Variants in SLX4 observed in about 807,000 individuals in gnomAD.
SLX4 encodes the protein structure-specific endonuclease subunit SLX4.
A neutral mutation model predicts 146.2 loss-of-function variants in SLX4; 112 were observed. That is an observed-to-expected ratio of 0.77 (90% CI 0.66 to 0.90). The LOEUF (loss-of-function observed/expected upper bound fraction) is 0.90, where lower values mean the gene tolerates loss of function less well. Ranked by LOEUF, SLX4 falls within the 40% of genes least tolerant of loss-of-function variation. SLX4 has a pLI of 0.00. For synonymous variants in SLX4, 1,061 were observed against 997.7 expected, an observed-to-expected ratio of 1.06 and a Z score of -1.20; for missense variants, 2,563 against 2,392.7, an observed-to-expected ratio of 1.07 and a Z score of -1.49.
chr16:3,589,435 CTCA>C lies in SLX4; in HGVS notation c.4200_4202del (p.Asp1400del), dbSNP rs1237957529. Reference sequence around the variant, plus strand: ...TGGCCTGATGGGAGGCCACCTCCTGCTCATCGTCACTGTCTCCGACTTCCACCA... The same window carrying C: ...TGGCCTGATGGGAGGCCACCTCCTGCTCGTCACTGTCTCCGACTTCCACCA... On this transcript the variant is annotated inframe_deletion, in exon 12 of 15. Coordinates refer to ENST00000294008, the MANE Select transcript of SLX4 (RefSeq NM_032444.4). This position sits in a 1 kb window ranked among gnomAD's most constrained non-coding sequence, Gnocchi z 6.2. 3.1e-6 allele frequency: 5 copies of C among 1,603,840 alleles called. No individual in the cohort carries two copies. The highest frequency in any genetic ancestry group is 2.2e-5 in the East Asian group (1 of 44,570).
chr16:3,610,239 C>G (rs995529933), intron 1 of SLX4, among the ~76,000 whole-genome samples: 1 of 152,184 alleles, frequency 6.6e-6, no homozygotes, highest in African/African-American at 2.4e-5. Context: ...ATTTTGTTTT[C>G]CAGAGCTGAA....
intron 10 of SLX4, 100 bp downstream of exon 10, chr16:3,594,353 T>C: frequency 6.8e-7 from 1 of 1,481,044 alleles, no homozygotes; most frequent in South Asian, 1.2e-5. Context: ...AGTGGGGGGG[T>C]GGAAAGGGCA....
intron 4 of SLX4, 71 bp from the exon 5 acceptor site, chr16:3,601,262 G>T: frequency 6.7e-7 from 1 of 1,498,626 alleles, no homozygotes; most frequent in Non-Finnish European, 9.3e-7. Context: ...TGTGGGTCCA[G>T]GTCAACACAG....
chr16:3,610,863 C>T (rs548087911), intron 1 of SLX4, among the ~76,000 whole-genome samples: 104 of 152,060 alleles, frequency 6.8e-4, no homozygotes, highest in Non-Finnish European at 1.3e-3. Context: ...GAAAACGCTG[C>T]GGGGAGAGGA....
Position 3,589,799 on chromosome 16 carries a change from C to T in SLX4, c.3839G>A (p.Ser1280Asn), listed in dbSNP as rs1196349449. ...SSQTQISSLR[S>N]GLAVQAVTQH... ...AGTCACCGCCTGCACGGCCAGCCCG[C>T]TCCTGAGGCTGCTGATTTGGGTCTG... Residue 1280 changes from serine to asparagine, a missense_variant, in exon 12 of 15, where the codon AGC (serine) becomes AAC (asparagine). Ser to Asn is a conservative substitution (Grantham distance 46). Transcript: ENST00000294008. This position sits in a 1 kb window ranked among gnomAD's most constrained non-coding sequence, Gnocchi z 6.2. The T allele has an allele frequency of 6.2e-7, 1 of 1,613,458 alleles. No individual in the cohort carries two copies. The highest frequency in any genetic ancestry group is 8.5e-7 in the Non-Finnish European group (1 of 1,180,032).
At position 3,602,261 on chromosome 16, in the gene SLX4, G is replaced by T; in HGVS notation, c.807C>A (p.Ala269=). 1 of 1,614,168 alleles carries T rather than the reference G, an allele frequency of 6.2e-7. No homozygotes were observed. The highest frequency in any genetic ancestry group is 1.1e-5 in the South Asian group (1 of 91,082). Residue 269 remains alanine, a synonymous_variant, in exon 4 of 15, where the codon GCC becomes GCA. Transcript: ENST00000294008. ...PPAPESDAAV[A]LTLQQEFARV... ...GTGCAAACTCCTGCTGCAGGGTCAA[G>T]GCCACCGCAGCGTCGCTCTCTGGGG...
chr16:3,608,530 G>C lies in SLX4; in HGVS notation c.435C>G (p.Ala145=), dbSNP rs2040811176. 1 of 1,614,170 alleles carries C rather than the reference G, an allele frequency of 6.2e-7. No individual in the cohort carries two copies. Among genetic ancestry groups the C allele is most frequent in the Non-Finnish European group, 8.5e-7 (1 of 1,180,038 alleles). Residue 145 remains alanine (A), a synonymous_variant, in exon 2 of 15, where the codon GCC becomes GCG. Coordinates refer to ENST00000294008, the MANE Select transcript of SLX4 (RefSeq NM_032444.4). ...GGAGCACAGGTGGATCTGGAGCAGA[G>C]GCAAGCACACCCCCCTCCCCATTCA... ...HSVNGEGGVL[A]SAPDPPVLRE...
chr16:3,599,277 G>A (rs1415639620), intron 5 of SLX4, among the ~76,000 whole-genome samples: 1 of 152,188 alleles, frequency 6.6e-6, no homozygotes, highest in Admixed American at 6.5e-5. Context: ...TGTGTGCAAA[G>A]CAGGGGGCGG....
rs1183114897 is a variant in SLX4 at position 3,597,626 on chromosome 16, G to A, written c.1436C>T (p.Thr479Ile). ...PLLLVQDSET[T>I]GRQIEDRVAL... ...CACACGGTCCTCTATCTGTCGGCCT[G>A]TGGTTTCAGAGTCCTGGACTAACAA... Residue 479 changes from threonine to isoleucine, a missense_variant, in exon 7 of 15, where the codon ACA (threonine) becomes ATA (isoleucine). Thr to Ile is a moderately conservative substitution (Grantham distance 89). Transcript: ENST00000294008. The surrounding 1 kb of genome is among the most constrained non-coding windows in gnomAD (Gnocchi z 4.4). 1 of 1,614,130 alleles carries A rather than the reference G, an allele frequency of 6.2e-7. No homozygotes were observed. The highest frequency in any genetic ancestry group is 8.5e-7 in the Non-Finnish European group (1 of 1,180,028).
Position 3,583,501 on chromosome 16 carries a change from G to T in SLX4, c.4749C>A (p.Val1583=), listed in dbSNP as rs2040468742. ...CCATCTGGCGTTTAGGCAGAGGGCG[G>T]ACTCCAAACCTGACGGAGGAACAGG... is the stretch of plus-strand genomic sequence containing the variant. ...VLKKELDRFG[V]RPLPKRQMVL... The change falls in exon 14 of 15, where the codon GTC becomes GTA. Residue 1583 remains valine, a synonymous_variant. Coordinates refer to ENST00000294008, the MANE Select transcript of SLX4 (RefSeq NM_032444.4). The T allele has an allele frequency of 1.9e-6, 3 of 1,613,994 alleles. No individual in the cohort carries two copies. The highest frequency in any genetic ancestry group is 2.5e-6 in the Non-Finnish European group (3 of 1,180,050).
intron 14 of SLX4, among the ~76,000 whole-genome samples, 179 bp from the exon 15 acceptor site, chr16:3,582,872 C>T (rs1402644027): frequency 6.6e-6 from 1 of 152,198 alleles, no homozygotes; most frequent in Non-Finnish European, 1.5e-5. Context: ...CGGGATCCTG[C>T]CCCAGCCAGA....
In SLX4 at chr16:3,589,149, A is replaced by T; in HGVS notation, c.4489T>A (p.Ser1497Thr). The T allele has an allele frequency of 6.2e-7, 1 of 1,614,060 alleles. No homozygotes were observed. Among genetic ancestry groups the T allele is most frequent in the Non-Finnish European group, 8.5e-7 (1 of 1,179,970 alleles). ...KLQEKSSGAG[S>T]LGNSRPSFLN... ...AAGCTCGGCCTGCTATTCCCCAGGG[A>T]GCCCGCGCCCGAGGACTTCTCTTGC... The change falls in exon 12 of 15, where the codon TCC (serine) becomes ACC (threonine). Residue 1497 changes from serine to threonine, a missense_variant. Coordinates refer to ENST00000294008, the MANE Select transcript of SLX4 (RefSeq NM_032444.4). This position sits in a 1 kb window ranked among gnomAD's most constrained non-coding sequence, Gnocchi z 6.2.
chr16:3,600,984 C>T lies in SLX4; in HGVS notation c.1158G>A (p.Met386Ile), dbSNP rs1333764898. 6.2e-7 allele frequency: 1 copy of T among 1,613,546 alleles called. No individual in the cohort carries two copies. Among genetic ancestry groups the T allele is most frequent in the Non-Finnish European group, 8.5e-7 (1 of 1,180,024 alleles). Residue 386 changes from methionine to isoleucine, a missense_variant, in exon 5 of 15, where the codon ATG (methionine) becomes ATA (isoleucine). Transcript: ENST00000294008. Reference protein sequence around the residue: ...AQPEGSSSPPMFSFSDHSRGL... With the variant: ...AQPEGSSSPPIFSFSDHSRGL... ...CTTCCTTTTCGTCGACTTACCTGAA[C>T]ATGGGTGGGCTGCTGCTACCCTCAG...
At position 3,595,593 on chromosome 16, in the gene SLX4, G is replaced by A. The variant is rs1567172854; in HGVS notation, c.2013+12C>T. The A allele has an allele frequency of 1.2e-6, 2 of 1,613,528 alleles. No homozygotes were observed. The highest frequency in any genetic ancestry group is 1.7e-6 in the Non-Finnish European group (2 of 1,179,922). On this transcript the variant is annotated intron_variant, in intron 9 of 14. Coordinates refer to ENST00000294008, the MANE Select transcript of SLX4 (RefSeq NM_032444.4). The stretch of plus-strand genomic sequence containing the variant: ...CCGGGACCAGAGAGCGCGGGCCAGA[G>A]CCAGTTCTTACCAAGGTGCGGCCGC...
intron 11 of SLX4, among the ~76,000 whole-genome samples, chr16:3,592,064 C>A (rs931044751): frequency 6.6e-6 from 1 of 152,264 alleles, no homozygotes. Context: ...TGAGTCAGCC[C>A]AGGCCAACGG....
At chr16:3,593,389 A>G (rs1447410793) in intron 10 of SLX4, among the ~76,000 whole-genome samples, 1 of 152,040 alleles carries the variant, frequency 6.6e-6, no homozygotes, top group African/African-American at 2.4e-5. Flanking sequence ...GCTAATTTTT[A>G]AATTTTTTTG....
chr16:3,598,014 A>T lies in SLX4; in HGVS notation c.1164-15T>A, dbSNP rs925536432. Reference sequence around the variant, plus strand: ...GATCACTGAAGCTAGAAAACAGCCAAAGAGAAAAGTTACTGGGGCTAGAGG... The same window carrying T: ...GATCACTGAAGCTAGAAAACAGCCATAGAGAAAAGTTACTGGGGCTAGAGG... On this transcript the variant is annotated splice_polypyrimidine_tract_variant and intron_variant, in intron 5 of 14. Transcript: ENST00000294008. The T allele has an allele frequency of 6.2e-7, 1 of 1,614,052 alleles. No homozygotes were observed.
At chr16:3,600,725 C>T in intron 5 of SLX4, 1 of 413,114 alleles carries the variant, frequency 2.4e-6, no homozygotes, top group South Asian at 2.1e-5. Flanking sequence ...CTCAGCCTCC[C>T]AAGTAGCTGG....
chr16:3,596,660 CA>C (rs1444066352), intron 7 of SLX4, among the ~76,000 whole-genome samples: 3 of 152,354 alleles, frequency 2.0e-5, no homozygotes, highest in Admixed American at 6.5e-5. Context: ...TGTCAGAGGC[CA>C]GGGGGGCCCA....
Sources: allele counts gnomAD v4.1 joint callset (sites outside exome capture counted in the v4.1 genomes callset), GRCh38; gene constraint gnomAD v4.1.1; non-coding constraint Gnocchi (gnomAD v3.1); transcripts MANE v1.5; gene names NCBI Gene and HGNC (gene_info 2026-07-23, HGNC 2026-07-21).